Variants in JARID2 observed in about 807,000 individuals in gnomAD.
The protein encoded by JARID2 is jumonji and AT-rich interaction domain containing 2, also known as protein Jumonji.
In JARID2, 21 loss-of-function variants were observed where a neutral mutation model predicts 125.6. That is an observed-to-expected ratio of 0.17 (90% CI 0.12 to 0.24). The LOEUF (loss-of-function observed/expected upper bound fraction) is 0.24, where lower values mean the gene tolerates loss of function less well. Ranked by LOEUF, JARID2 falls within the 10% of genes least tolerant of loss-of-function variation. The pLI, the probability that JARID2 is intolerant of heterozygous loss-of-function variation, is 1.00. For missense variants in JARID2, 1,303 were observed against 1,639.6 expected, an observed-to-expected ratio of 0.79 and a Z score of 3.55; for synonymous variants, 736 against 661.6, an observed-to-expected ratio of 1.11 and a Z score of -1.73.
At chr6:15,302,869 G>T (rs1290077865) in intron 1 of JARID2, among the ~76,000 whole-genome samples, 1 of 152,022 alleles carries the variant, frequency 6.6e-6, no homozygotes, top group Non-Finnish European at 1.5e-5. Flanking sequence ...CAAGCAGCTG[G>T]GATTATAGGC....
At chr6:15,249,956 T>C (rs898790299) in intron 1 of JARID2, among the ~76,000 whole-genome samples, 14 of 152,232 alleles carry the variant, frequency 9.2e-5, no homozygotes, top group Non-Finnish European at 1.6e-4. Context: ...AGATATTTTC[T>C]GCCGTTTCCA....
Position 15,382,361 on chromosome 6 carries a change from C to T in JARID2, c.181+8109C>T, listed in dbSNP as rs1008894144. Among the ~76,000 whole-genome samples, 38 of 152,158 alleles carry T rather than the reference C, an allele frequency of 2.5e-4. 1 individual carries two copies. Among genetic ancestry groups the T allele is most frequent in the Admixed American group, 6.5e-4 (10 of 15,280 alleles). On this transcript the variant is annotated intron_variant, in intron 2 of 17. Transcript: ENST00000341776. ...AGACCCAGTCCTAAGATACAGGAAACGTTGTATATCCATGAGCCTTGCAAA... is the reference window on the plus strand; with the variant it reads ...AGACCCAGTCCTAAGATACAGGAAATGTTGTATATCCATGAGCCTTGCAAA...
At chr6:15,309,821 TG>T in intron 1 of JARID2, among the ~76,000 whole-genome samples, 1 of 152,162 alleles carries the variant, frequency 6.6e-6, no homozygotes, top group East Asian at 1.9e-4. Context: ...TGGCCAGTAG[TG>T]TGTTCCAAAG....
In JARID2 at chr6:15,413,689, C is replaced by G. The variant is rs542437867; in HGVS notation, c.323+3324C>G. Among the ~76,000 whole-genome samples the G allele has an allele frequency of 5.9e-5, 9 of 152,286 alleles. No homozygotes were observed. The South Asian group carries it at 1.9e-3, about 32-fold the overall frequency. On this transcript the variant is annotated intron_variant, in intron 3 of 17. Transcript: ENST00000341776. ...TGGTGTGATCATGACTTACTGTGTTCTCTAAAGCCTGGGCTAAAGGGATCC... is the reference window on the plus strand; with the variant it reads ...TGGTGTGATCATGACTTACTGTGTTGTCTAAAGCCTGGGCTAAAGGGATCC...
intron 1 of JARID2, among the ~76,000 whole-genome samples, chr6:15,261,517 C>T (rs1240870533): frequency 6.6e-6 from 1 of 151,780 alleles, no homozygotes; most frequent in Non-Finnish European, 1.5e-5. Flanking sequence ...AGGGTTTCAC[C>T]ATGTTAGTTT....
intron 2 of JARID2, among the ~76,000 whole-genome samples, chr6:15,394,392 G>C (rs1431961919): frequency 6.6e-6 from 1 of 152,140 alleles, no homozygotes; most frequent in Admixed American, 6.5e-5. Flanking sequence ...TGCCTCGGGA[G>C]GATCGCTTCA....
intron 2 of JARID2, among the ~76,000 whole-genome samples, chr6:15,406,278 A>G (rs960395990): frequency 1.3e-5 from 2 of 152,162 alleles, no homozygotes; most frequent in African/African-American, 4.8e-5. Flanking sequence ...TACTAAAATT[A>G]CAAAAATTAG....
chr6:15,284,511 CTTT>C lies in JARID2; in HGVS notation c.45+37941_45+37943del, dbSNP rs11286654. On this transcript the variant is annotated intron_variant, in intron 1 of 17. Coordinates refer to ENST00000341776, the MANE Select transcript of JARID2 (RefSeq NM_004973.4). Reference sequence around the variant, plus strand: ...TAAATTCCCTTTTAGTTTTATAATCCTTTTTTTTTTTTTTTTGAGACGAAGTCT... The same window carrying C: ...TAAATTCCCTTTTAGTTTTATAATCCTTTTTTTTTTTTTGAGACGAAGTCT... Among the ~76,000 whole-genome samples the C allele has an allele frequency of 0.011, 1,543 of 140,300 alleles. 92 individuals are homozygous for C. In the East Asian group the frequency reaches 0.18, roughly 16 times the overall value. The allele number at this position is 140,300 out of a possible 152,430, so 92.0% of individuals were successfully genotyped here.
At chr6:15,422,100 A>G (rs1053925021) in intron 3 of JARID2, among the ~76,000 whole-genome samples, 6 of 152,176 alleles carry the variant, frequency 3.9e-5, no homozygotes, top group African/African-American at 1.4e-4. Flanking sequence ...GGGTCCTCCA[A>G]TGTTAGAGGT....
intron 1 of JARID2, among the ~76,000 whole-genome samples, chr6:15,316,940 A>G (rs1318118229): frequency 6.6e-6 from 1 of 152,212 alleles, no homozygotes; most frequent in Non-Finnish European, 1.5e-5. Context: ...CTGTGCTTCA[A>G]GTTGCTTGTG....
At chr6:15,514,282 CT>C (rs1430523235) in intron 16 of JARID2, among the ~76,000 whole-genome samples, 1 of 152,232 alleles carries the variant, frequency 6.6e-6, no homozygotes, top group Non-Finnish European at 1.5e-5. Context: ...CTCCACAGCA[CT>C]ACACACCTTA....
chr6:15,374,357 C>A, intron 2 of JARID2, 105 bp downstream of exon 2: 1 of 1,173,458 alleles, frequency 8.5e-7, no homozygotes, highest in Non-Finnish European at 1.2e-6. Flanking sequence ...CTGGTCTAGG[C>A]ACCTAAAGGC....
chr6:15,417,146 G>T (rs1329950483), intron 3 of JARID2, among the ~76,000 whole-genome samples: 1 of 152,222 alleles, frequency 6.6e-6, no homozygotes, highest in African/African-American at 2.4e-5. Flanking sequence ...ATTTTTATCT[G>T]TGGGTGAGTA....
At chr6:15,277,879 G>T (rs1450852379) in intron 1 of JARID2, among the ~76,000 whole-genome samples, 3 of 113,310 alleles carry the variant, frequency 2.6e-5, no homozygotes, top group Non-Finnish European at 3.7e-5. Context: ...GAAAGCAAAA[G>T]AAATCCTTTT....
chr6:15,397,147 T>G (rs1765248644), intron 2 of JARID2, among the ~76,000 whole-genome samples: 1 of 152,210 alleles, frequency 6.6e-6, no homozygotes, highest in Non-Finnish European at 1.5e-5. Flanking sequence ...AGGTAACATT[T>G]ATTATTACTA....
intron 1 of JARID2, among the ~76,000 whole-genome samples, chr6:15,299,600 G>C (rs1761532324): frequency 6.6e-6 from 1 of 152,138 alleles, no homozygotes; most frequent in African/African-American, 2.4e-5. Flanking sequence ...TGCTCAGTTA[G>C]GCCAGTTAGG....
Position 15,330,486 on chromosome 6 carries a change from TC to T in JARID2, c.46-43630del, listed in dbSNP as rs138128023. On this transcript the variant is annotated intron_variant, in intron 1 of 17. Transcript: ENST00000341776. ...TTTGCCCTCTTCTTTTTTCATTTTT[TC>T]TTCCAATAATGTTAATTGTTTCAGT... Among the ~76,000 whole-genome samples, 1,393 of 152,378 alleles carry T rather than the reference TC, an allele frequency of 9.1e-3. 12 individuals carry two copies. The highest frequency in any genetic ancestry group is 0.024 in the Middle Eastern group (7 of 294).
At chr6:15,289,755 AGAATCACTT>A (rs765917823) in intron 1 of JARID2, among the ~76,000 whole-genome samples, 39 of 152,286 alleles carry the variant, frequency 2.6e-4, no homozygotes, top group Non-Finnish European at 5.0e-4. Flanking sequence ...CTGAGGCAGG[AGAATCACTT>A]GAACCCAGGA....
chr6:15,475,427 C>T (rs1326327829), intron 5 of JARID2, among the ~76,000 whole-genome samples: 1 of 152,202 alleles, frequency 6.6e-6, no homozygotes, highest in Non-Finnish European at 1.5e-5. Context: ...CACCACATCT[C>T]AGGCCACATC....
Sources: gnomAD v4.1 joint callset for allele counts (sites outside exome capture counted in the v4.1 genomes callset) on GRCh38, gnomAD v4.1.1 for gene constraint, MANE v1.5 for transcripts, NCBI Gene and HGNC (gene_info 2026-07-23, HGNC 2026-07-21) for gene names.